PARD3: variants seen among roughly 807,000 people sequenced by gnomAD.
PARD3 encodes the protein partitioning defective 3 homolog.
PARD3 carries 75 observed loss-of-function variants against 155.4 expected under a neutral mutation model. That is an observed-to-expected ratio of 0.48 (90% CI 0.40 to 0.58). The LOEUF is 0.58. Ranked by LOEUF, PARD3 falls within the 20% of genes least tolerant of loss-of-function variation. The pLI is 0.00. For missense variants in PARD3, 1,642 were observed against 1,721.7 expected, an observed-to-expected ratio of 0.95 and a Z score of 0.82; for synonymous variants, 576 against 610.5, an observed-to-expected ratio of 0.94 and a Z score of 0.83.
chr10:34,324,758 A>C (rs535526405), intron 19 of PARD3, among the ~76,000 whole-genome samples: 23 of 151,710 alleles, frequency 1.5e-4, no homozygotes, highest in Admixed American at 5.2e-4. Flanking sequence ...AGTGCTAATG[A>C]GAGAAATCAC....
intron 22 of PARD3, among the ~76,000 whole-genome samples, chr10:34,162,545 G>A (rs897451407): frequency 2.0e-5 from 3 of 152,130 alleles, no homozygotes; most frequent in Admixed American, 6.6e-5. Flanking sequence ...CATTTTGGCA[G>A]TGCCTACTAT....
In PARD3 at chr10:34,664,597, T is replaced by C. The variant is rs552102000; in HGVS notation, c.222+31721A>G. On this transcript the variant is annotated intron_variant, in intron 2 of 24. Coordinates refer to ENST00000374788, the MANE Select transcript of PARD3 (RefSeq NM_001184785.2). ...GCCTCCCGGGTTCCAGAGATTCTCC[T>C]GCCTCAGCCTCCTGGGTAGCTGGGA... is the stretch of plus-strand genomic sequence containing the variant. Among the ~76,000 whole-genome samples, 185 of 152,288 alleles carry C rather than the reference T, an allele frequency of 1.2e-3. 1 individual carries two copies. The highest frequency in any genetic ancestry group is 4.0e-3 in the African/African-American group (166 of 41,558).
At position 34,284,164 on chromosome 10, in the gene PARD3, C is replaced by G; in HGVS notation, c.3147G>C (p.Glu1049Asp). The change falls in exon 21 of 25, where the codon GAG becomes GAC. Residue 1049 changes from glutamate (E) to aspartate (D), a missense_variant. By Grantham distance (45) the Glu-to-Asp change is conservative (BLOSUM62 2). Coordinates refer to ENST00000374788, the MANE Select transcript of PARD3 (RefSeq NM_001184785.2). ...CCTGCTCCTGCTTCATTCGTATCCT[C>G]TCCTCTTCTGATGTAAAGGATTCCT... ...KIQESFTSEE[E>D]RIRMKQEQER... 1 of 1,604,214 alleles carries G rather than the reference C, an allele frequency of 6.2e-7. No individual in the cohort carries two copies. Among genetic ancestry groups the G allele is most frequent in the Non-Finnish European group, 8.5e-7 (1 of 1,174,256 alleles).
intron 2 of PARD3, chr10:34,675,788 C>T (rs2093693655): frequency 5.5e-6 from 1 of 181,758 alleles, no homozygotes; most frequent in African/African-American, 2.3e-5. Context: ...TCCCTAGTTT[C>T]TTGTTTTCAT....
In PARD3 at chr10:34,627,928, T is replaced by C. The variant is rs115457267; in HGVS notation, c.222+68390A>G. On this transcript the variant is annotated intron_variant, in intron 2 of 24. Transcript: ENST00000374788. ...GTACACACAGGTTGCCTCATCAGCT[T>C]CATGAAGAGTCCAAAGTTGCTGCAA... is the stretch of plus-strand genomic sequence containing the variant. Among the ~76,000 whole-genome samples, 1,401 of 152,098 alleles carry C rather than the reference T, an allele frequency of 9.2e-3. 14 individuals carry two copies. Among genetic ancestry groups the C allele is most frequent in the African/African-American group, 0.032 (1,332 of 41,460 alleles).
rs1475152820 is a variant in PARD3 at position 34,360,166 on chromosome 10, G to A, written c.1801C>T (p.Leu601Phe). ...VPLNDSGSAG[L>F]GVSVKGNRSK... ...CGGTTACCTTTGACACTGACACCAAGGCCTGCAGATCCTGAATCATTAAGT... is the reference window on the plus strand; with the variant it reads ...CGGTTACCTTTGACACTGACACCAAAGCCTGCAGATCCTGAATCATTAAGT... The change falls in exon 13 of 25, where the codon CTT becomes TTT. Residue 601 changes from leucine (L) to phenylalanine (F), a missense_variant. Leu to Phe is a conservative substitution (Grantham distance 22, BLOSUM62 0). Transcript: ENST00000374788. The A allele has an allele frequency of 6.2e-7, 1 of 1,613,764 alleles. No homozygotes were observed. Among genetic ancestry groups the A allele is most frequent in the Non-Finnish European group, 8.5e-7 (1 of 1,179,790 alleles).
At chr10:34,160,026 T>C (rs1425623273) in intron 22 of PARD3, among the ~76,000 whole-genome samples, 3 of 152,188 alleles carry the variant, frequency 2.0e-5, no homozygotes, top group African/African-American at 4.8e-5. Flanking sequence ...TGAAAAATCA[T>C]AGAGGACTAG....
At chr10:34,228,828 T>C (rs1468219129) in intron 22 of PARD3, among the ~76,000 whole-genome samples, 4 of 152,096 alleles carry the variant, frequency 2.6e-5, no homozygotes, top group African/African-American at 9.7e-5. Context: ...TGAAACTCTC[T>C]TCATCTGTCC....
At chr10:34,697,116 C>T (rs1011486185) in intron 1 of PARD3, among the ~76,000 whole-genome samples, 1 of 151,468 alleles carries the variant, frequency 6.6e-6, no homozygotes, top group Non-Finnish European at 1.5e-5. Context: ...AAAAAAAGGA[C>T]ATCATTTTAA....
At chr10:34,310,151 G>A (rs1957628228) in intron 20 of PARD3, among the ~76,000 whole-genome samples, 1 of 152,110 alleles carries the variant, frequency 6.6e-6, no homozygotes, top group Admixed American at 6.6e-5. Context: ...GGAGTAACAT[G>A]TACTTGATCT....
At chr10:34,320,937 T>C (rs150698888) in intron 19 of PARD3, among the ~76,000 whole-genome samples, 1 of 152,320 alleles carries the variant, frequency 6.6e-6, no homozygotes, top group East Asian at 1.9e-4. Context: ...TTTAGCAATA[T>C]GTAGCTTCAT....
At chr10:34,649,428 T>C (rs1590401320) in intron 2 of PARD3, among the ~76,000 whole-genome samples, 1 of 152,368 alleles carries the variant, frequency 6.6e-6, no homozygotes, top group African/African-American at 2.4e-5. Context: ...GCTACAAACC[T>C]GTACAACGTG....
chr10:34,729,182 C>T (rs1197881195), intron 1 of PARD3, among the ~76,000 whole-genome samples: 1 of 152,158 alleles, frequency 6.6e-6, no homozygotes, highest in African/African-American at 2.4e-5. Flanking sequence ...TTAAGCGGCG[C>T]GTGACTATGA....
At chr10:34,223,350 G>A (rs1050352798) in intron 22 of PARD3, among the ~76,000 whole-genome samples, 14 of 152,136 alleles carry the variant, frequency 9.2e-5, no homozygotes, top group Non-Finnish European at 1.9e-4. Flanking sequence ...ATGGCCAAAA[G>A]CAATGCATAC....
At chr10:34,479,404 G>A (rs773998) in intron 3 of PARD3, among the ~76,000 whole-genome samples, 8,126 of 151,784 alleles carry the variant, frequency 0.054, 244 homozygotes, top group African/African-American at 0.087. Context: ...CTCATGATCC[G>A]CCCACCTCGG....
At chr10:34,120,311 C>G (rs1466324795) in intron 23 of PARD3, among the ~76,000 whole-genome samples, 1 of 150,634 alleles carries the variant, frequency 6.6e-6, no homozygotes, top group East Asian at 2.0e-4. Flanking sequence ...AGCGTCTAGT[C>G]TTTATAATGA....
chr10:34,766,237 G>T (rs1379825895), intron 1 of PARD3, among the ~76,000 whole-genome samples: 1 of 152,112 alleles, frequency 6.6e-6, no homozygotes, highest in African/African-American at 2.4e-5. Flanking sequence ...TCTTAGTAAG[G>T]ATCTGTGTAA....
intron 5 of PARD3, among the ~76,000 whole-genome samples, chr10:34,429,874 T>C (rs574043280): frequency 1.3e-5 from 2 of 152,222 alleles, no homozygotes; most frequent in South Asian, 4.1e-4. Context: ...CGTGAGCCAC[T>C]GCACCCAGCC....
chr10:34,604,886 T>C (rs2090096759), intron 2 of PARD3, among the ~76,000 whole-genome samples: 1 of 151,796 alleles, frequency 6.6e-6, no homozygotes, highest in South Asian at 2.1e-4. Flanking sequence ...AATATATAAG[T>C]TTACATTTTT....
Sources: gnomAD v4.1 joint callset for allele counts (sites outside exome capture counted in the v4.1 genomes callset) on GRCh38, gnomAD v4.1.1 for gene constraint, MANE v1.5 for transcripts, NCBI Gene and HGNC (gene_info 2026-07-23, HGNC 2026-07-21) for gene names.